Variants in SH3RF3 observed in about 807,000 individuals in gnomAD.
SH3RF3 encodes E3 ubiquitin-protein ligase SH3RF3.
SH3RF3 carries 29 observed loss-of-function variants against 66.3 expected under a neutral mutation model. The observed-to-expected ratio is 0.44, with a 90% CI of 0.33 to 0.60. The LOEUF (loss-of-function observed/expected upper bound fraction) is 0.60, where lower values mean the gene tolerates loss of function less well. Among genes scored for constraint, SH3RF3 ranks in the 20% least tolerant of loss-of-function variants. The pLI, the probability that SH3RF3 is intolerant of heterozygous loss-of-function variation, is 0.04. For missense variants in SH3RF3, 1,194 were observed against 1,190.9 expected (o/e 1.00, Z -0.04); for synonymous variants, 583 against 532.0 (o/e 1.10, Z -1.32).
chr2:109,171,641 G>A (rs895419133), intron 1 of SH3RF3, among the ~76,000 whole-genome samples: 2 of 152,350 alleles, frequency 1.3e-5, no homozygotes, highest in Admixed American at 6.5e-5. Flanking sequence ...TCCTGTGCGG[G>A]AATGAATCCA....
At chr2:109,291,539 C>G (rs1295358908) in intron 1 of SH3RF3, among the ~76,000 whole-genome samples, 1 of 152,212 alleles carries the variant, frequency 6.6e-6, no homozygotes, top group African/African-American at 2.4e-5. Context: ...CATGCCATGT[C>G]TGCAGCCGGC....
chr2:109,279,039 AG>A (rs1680822866), intron 1 of SH3RF3, among the ~76,000 whole-genome samples: 1 of 152,324 alleles, frequency 6.6e-6, no homozygotes, highest in South Asian at 2.1e-4. Context: ...TCTTTCTTCC[AG>A]GGTGATGGGG....
intron 1 of SH3RF3, among the ~76,000 whole-genome samples, chr2:109,259,274 G>T (rs964607827): frequency 6.6e-6 from 1 of 152,316 alleles, no homozygotes; most frequent in Middle Eastern, 3.4e-3. Flanking sequence ...GCTGCTGCTG[G>T]CTCCTGAACA....
intron 1 of SH3RF3, among the ~76,000 whole-genome samples, chr2:109,273,663 C>G (rs1391577752): frequency 6.6e-6 from 1 of 152,126 alleles, no homozygotes; most frequent in Non-Finnish European, 1.5e-5. Flanking sequence ...ATTAAACATG[C>G]GCAACTGCTG....
chr2:109,315,029 A>AAT (rs1681840166), intron 1 of SH3RF3, among the ~76,000 whole-genome samples: 1 of 152,246 alleles, frequency 6.6e-6, no homozygotes, highest in African/African-American at 2.4e-5. Context: ...GACCACACTC[A>AAT]GTGAACAGCG....
At chr2:109,283,465 G>T (rs1401453589) in intron 1 of SH3RF3, among the ~76,000 whole-genome samples, 1 of 152,192 alleles carries the variant, frequency 6.6e-6, no homozygotes, top group African/African-American at 2.4e-5. Flanking sequence ...ACTCAGAAAT[G>T]CTGGTGACCA....
chr2:109,456,695 G>A (rs1300375408), intron 8 of SH3RF3, among the ~76,000 whole-genome samples: 1 of 152,236 alleles, frequency 6.6e-6, no homozygotes, highest in Non-Finnish European at 1.5e-5. Flanking sequence ...CAGCGTGGTT[G>A]TGAGTGCTGG....
At chr2:109,282,480 C>T (rs373052377) in intron 1 of SH3RF3, among the ~76,000 whole-genome samples, 17 of 152,140 alleles carry the variant, frequency 1.1e-4, no homozygotes, top group African/African-American at 3.4e-4. Flanking sequence ...CAGGAAGGCC[C>T]GAGGGTCACC....
intron 8 of SH3RF3, among the ~76,000 whole-genome samples, chr2:109,458,149 T>G (rs904018002): frequency 2.0e-5 from 3 of 152,240 alleles, no homozygotes; most frequent in African/African-American, 4.8e-5. Context: ...TGGGACAGTT[T>G]GGTTTTTATT....
rs114486405 is a variant in SH3RF3, at chr2:109,293,616, A to G, written c.574-54058A>G. Among the ~76,000 whole-genome samples the G allele has an allele frequency of 2.3e-3, 356 of 152,346 alleles. 1 individual carries two copies. The highest frequency in any genetic ancestry group is 8.2e-3 in the African/African-American group (339 of 41,566). ...GAAGCCTCTTCCTGAAAGTAAGTCAAGTTTCCAAGACTCCTTCATTTGTCT... is the reference window on the plus strand; with the variant it reads ...GAAGCCTCTTCCTGAAAGTAAGTCAGGTTTCCAAGACTCCTTCATTTGTCT... On this transcript the variant is annotated intron_variant, in intron 1 of 9. Coordinates refer to ENST00000309415, the MANE Select transcript of SH3RF3 (RefSeq NM_001099289.3).
intron 4 of SH3RF3, among the ~76,000 whole-genome samples, chr2:109,416,791 G>A (rs1573234402): frequency 1.3e-5 from 2 of 151,646 alleles, no homozygotes; most frequent in African/African-American, 2.4e-5. Flanking sequence ...CTGTAATCCC[G>A]GCTACTCAGG....
intron 1 of SH3RF3, among the ~76,000 whole-genome samples, chr2:109,272,655 T>G (rs17035283): frequency 0.02 from 3,043 of 152,326 alleles, 93 homozygotes; most frequent in African/African-American, 0.07. Context: ...CCAACGGTCC[T>G]CCTCCACACC....
chr2:109,434,137 G>A (rs1211571560), intron 6 of SH3RF3, among the ~76,000 whole-genome samples: 1 of 152,234 alleles, frequency 6.6e-6, no homozygotes, highest in African/African-American at 2.4e-5. Context: ...TTCCAGGAAA[G>A]CACAGGTCAC....
chr2:109,466,111 G>A lies in SH3RF3; in HGVS notation c.2148+16622G>A, dbSNP rs187164142. On this transcript the variant is annotated intron_variant, in intron 8 of 9. Coordinates refer to ENST00000309415, the MANE Select transcript of SH3RF3 (RefSeq NM_001099289.3). Reference sequence around the variant, plus strand: ...TTTTTTTTTTTTGAGATGGAGTCTCGCTCCGTCGCCCAGGCTGGAGTGCAG... The same window carrying A: ...TTTTTTTTTTTTGAGATGGAGTCTCACTCCGTCGCCCAGGCTGGAGTGCAG... 2.5e-3 allele frequency among the ~76,000 whole-genome samples: 285 copies of A among 114,948 alleles called. 2 individuals are homozygous for A. Among genetic ancestry groups the A allele is most frequent in the African/African-American group, 9.0e-3 (271 of 29,962 alleles). The allele number at this position is 114,948 out of a possible 152,430, so 75.4% of individuals were successfully genotyped here. A position where few individuals can be genotyped will look rare whatever the true frequency, so the allele number is the denominator to read the frequency against.
At chr2:109,441,223 A>G (rs1470438731) in intron 7 of SH3RF3, among the ~76,000 whole-genome samples, 1 of 152,174 alleles carries the variant, frequency 6.6e-6, no homozygotes, top group African/African-American at 2.4e-5. Context: ...AGGAGCAGGA[A>G]AATATGACTT....
chr2:109,360,705 A>G (rs1242656993), intron 2 of SH3RF3, among the ~76,000 whole-genome samples: 2 of 152,260 alleles, frequency 1.3e-5, no homozygotes, highest in Admixed American at 1.3e-4. Context: ...TATTAGTTCT[A>G]GAAGTTCTTC....
chr2:109,169,093 A>G (rs1677695466), intron 1 of SH3RF3, among the ~76,000 whole-genome samples: 1 of 152,194 alleles, frequency 6.6e-6, no homozygotes, highest in Non-Finnish European at 1.5e-5. Flanking sequence ...TGGAGGAGCC[A>G]GAATTCTTTG....
chr2:109,252,518 T>C (rs1680119806), intron 1 of SH3RF3, among the ~76,000 whole-genome samples: 1 of 152,186 alleles, frequency 6.6e-6, no homozygotes, highest in Non-Finnish European at 1.5e-5. Flanking sequence ...GAGGAGTTTC[T>C]TGGGATGTGG....
intron 1 of SH3RF3, among the ~76,000 whole-genome samples, chr2:109,256,544 G>A (rs766530775): frequency 3.9e-4 from 59 of 152,302 alleles, no homozygotes; most frequent in South Asian, 1.4e-3. Flanking sequence ...GGAGCTTTGA[G>A]GGGCTAGTGT....
Sources: allele counts gnomAD v4.1 joint callset (sites outside exome capture counted in the v4.1 genomes callset), GRCh38; gene constraint gnomAD v4.1.1; transcripts MANE v1.5; gene names NCBI Gene and HGNC (gene_info 2026-07-23, HGNC 2026-07-21).